The following NEBL variants were observed in gnomAD, a reference collection of about 807,000 sequenced individuals.
NEBL encodes nebulette, also known as LIM and SH3 protein 2.
In NEBL, 122 loss-of-function variants were observed where a neutral mutation model predicts 140.2. The ratio of observed to expected loss-of-function variants is 0.87; its 90% CI spans 0.75 to 1.01. The LOEUF (loss-of-function observed/expected upper bound fraction) is 1.01, where lower values mean the gene tolerates loss of function less well. Ranked by LOEUF, NEBL falls within the 50% of genes least tolerant of loss-of-function variation. The pLI is 0.00. For missense variants in NEBL, 1,365 were observed against 1,231.3 expected (o/e 1.11, Z -1.62); for synonymous variants, 436 against 398.9 (o/e 1.09, Z -1.11).
At chr10:20,883,451 A>G (rs1304463121) in intron 4 of NEBL, among the ~76,000 whole-genome samples, 1 of 152,214 alleles carries the variant, frequency 6.6e-6, no homozygotes, top group South Asian at 2.1e-4. Flanking sequence ...TATGTTAAGC[A>G]GGAAACCCTT....
At position 21,137,508 on chromosome 10, in the gene NEBL, C is replaced by T. The variant is rs1020862288; in HGVS notation, c.164+34875G>A. Among the ~76,000 whole-genome samples, 3 of 152,158 alleles carry T rather than the reference C, an allele frequency of 2.0e-5. No homozygotes were observed. The East Asian group carries it at 5.8e-4, about 29-fold the overall frequency. ...GAATTATTCCAGTTTGCTCCTGCTC[C>T]GTGTCTAAGAACACTACGGCTACTG... On this transcript the variant is annotated intron_variant, in intron 2 of 6. Coordinates refer to the NEBL transcript ENST00000417816.
At position 20,858,268 on chromosome 10, in the gene NEBL, A is replaced by C. The variant is rs1489278526; in HGVS notation, c.875T>G (p.Val292Gly). ...GCTGAGCATTTTGCTGGCTTTCAAA[A>C]CATGGTCTAAAAACAACAAATTTGG... ...DLPNLLFLDH[V>G]LKASKMLSGR... The change falls in exon 9 of 28, where the codon GTT (valine) becomes GGT (glycine). Residue 292 changes from valine to glycine, a missense_variant. Physicochemically the swap from Val to Gly is moderately radical, Grantham distance 109 (BLOSUM62 -3). Transcript: ENST00000377122. The C allele has an allele frequency of 1.2e-6, 2 of 1,610,622 alleles. No individual in the cohort carries two copies. Among genetic ancestry groups the C allele is most frequent in the Non-Finnish European group, 1.7e-6 (2 of 1,176,906 alleles).
intron 2 of NEBL, among the ~76,000 whole-genome samples, chr10:21,053,434 T>C (rs1269834441): frequency 6.6e-6 from 1 of 152,218 alleles, no homozygotes; most frequent in East Asian, 1.9e-4. Context: ...TTATCTATGA[T>C]TGTTTCTGAA....
intron 3 of NEBL, among the ~76,000 whole-genome samples, chr10:21,227,668 C>T (rs141549837): frequency 1.4e-3 from 118 of 85,442 alleles, no homozygotes; most frequent in African/African-American, 5.6e-3. Context: ...TCTTCTTCTT[C>T]TTCTTCTTCT....
chr10:20,969,724 T>C (rs1836486185), intron 3 of NEBL, among the ~76,000 whole-genome samples: 1 of 151,832 alleles, frequency 6.6e-6, no homozygotes, highest in Non-Finnish European at 1.5e-5. Flanking sequence ...TTTTGAATTT[T>C]TAGTAGAGAC....
At chr10:21,048,886 G>A (rs1834639590) in intron 2 of NEBL, among the ~76,000 whole-genome samples, 1 of 152,122 alleles carries the variant, frequency 6.6e-6, no homozygotes, top group Non-Finnish European at 1.5e-5. Flanking sequence ...GCAGGTGCCT[G>A]TAATCCGAGG....
At chr10:21,166,757 T>G (rs1459753141) in intron 2 of NEBL, among the ~76,000 whole-genome samples, 1 of 152,210 alleles carries the variant, frequency 6.6e-6, no homozygotes, top group Admixed American at 6.5e-5. Flanking sequence ...TCCAGCTCCA[T>G]CTAGCTCCAA....
chr10:20,866,410 G>C (rs1173366730), intron 7 of NEBL, among the ~76,000 whole-genome samples: 7 of 152,050 alleles, frequency 4.6e-5, no homozygotes, highest in Admixed American at 2.0e-4. Flanking sequence ...AAAAAATGGG[G>C]AAAAATTACA....
chr10:21,189,849 G>C (rs1841544824), intron 3 of NEBL, among the ~76,000 whole-genome samples: 1 of 152,162 alleles, frequency 6.6e-6, no homozygotes, highest in Non-Finnish European at 1.5e-5. Context: ...ATTTGGAAAG[G>C]TTTTCTAAAG....
chr10:21,271,991 T>C (rs1165582888), intron 1 of NEBL, among the ~76,000 whole-genome samples: 1 of 151,802 alleles, frequency 6.6e-6, no homozygotes, highest in Non-Finnish European at 1.5e-5. Context: ...GGAGTCTCAC[T>C]CTGTCACCCA....
In NEBL at chr10:21,263,588, C is replaced by T. The variant is rs905075719; in HGVS notation, n.183-11760G>A. Among the ~76,000 whole-genome samples, 3 of 152,140 alleles carry T rather than the reference C, an allele frequency of 2.0e-5. No individual in the cohort carries two copies. In the East Asian group the frequency reaches 5.8e-4, roughly 29 times the overall value. ...CCCGGGGGTTAGTTTTGGGAAGGGA[C>T]TATGATTATTCTTGCTTTAAAATTA... On this transcript the variant is annotated intron_variant and non_coding_transcript_variant, in intron 1 of 8. Coordinates refer to the NEBL transcript ENST00000675702.
chr10:21,123,547 A>C (rs1468225857), intron 2 of NEBL, among the ~76,000 whole-genome samples: 1 of 152,026 alleles, frequency 6.6e-6, no homozygotes, highest in Admixed American at 6.6e-5. Flanking sequence ...CCCACCACTT[A>C]GTCCTTCTTT....
At chr10:20,870,766 T>C (rs1352179118) in intron 5 of NEBL, among the ~76,000 whole-genome samples, 2 of 152,222 alleles carry the variant, frequency 1.3e-5, no homozygotes. Context: ...TTGAGTAACA[T>C]TCTCCTTCTG....
chr10:20,939,935 C>G (rs1020387968), intron 4 of NEBL, among the ~76,000 whole-genome samples: 3 of 152,006 alleles, frequency 2.0e-5, no homozygotes, highest in Non-Finnish European at 4.4e-5. Flanking sequence ...ATTCATAAAG[C>G]AAGTCCTTAG....
chr10:20,944,791 T>G (rs897519382), intron 4 of NEBL, among the ~76,000 whole-genome samples: 2 of 152,200 alleles, frequency 1.3e-5, no homozygotes, highest in Admixed American at 1.3e-4. Flanking sequence ...TGGCATTGCT[T>G]CGACATACAG....
chr10:20,805,662 G>A (rs2130740424), intron 26 of NEBL, among the ~76,000 whole-genome samples: 1 of 152,164 alleles, frequency 6.6e-6, no homozygotes, highest in East Asian at 1.9e-4. Flanking sequence ...AGACCAGCCT[G>A]GCCAACACGG....
At chr10:21,066,855 CA>C (rs1436088160) in intron 2 of NEBL, among the ~76,000 whole-genome samples, 6 of 152,000 alleles carry the variant, frequency 3.9e-5, no homozygotes, top group African/African-American at 1.4e-4. Context: ...TATTTATACT[CA>C]TGGGCTATTT....
chr10:20,819,457 C>G lies in NEBL; in HGVS notation c.2022G>C (p.Glu674Asp), dbSNP rs145086068. ...GCTGCTCCTGGTTTCGCCTCACTCT[C>G]TCTATCTCCGGGGTCATGCTTACCG... ...ATPVSMTPEI[E>D]RVRRNQEQLS... Residue 674 changes from glutamate (E) to aspartate (D), a missense_variant, in exon 20 of 28, where the codon GAG becomes GAC. By Grantham distance (45) the Glu-to-Asp change is conservative (BLOSUM62 2). This residue lies in a region of NEBL where 1,323 missense variants were observed against 1,154.8 expected (regional missense o/e 1.15). Coordinates refer to ENST00000377122, the MANE Select transcript of NEBL (RefSeq NM_006393.3). The G allele has an allele frequency of 7.4e-6, 12 of 1,614,104 alleles. No individual in the cohort carries two copies. Among genetic ancestry groups the G allele is most frequent in the Non-Finnish European group, 9.3e-6 (11 of 1,179,980 alleles).
intron 11 of NEBL, among the ~76,000 whole-genome samples, chr10:20,848,687 T>A (rs1473496004): frequency 1.3e-5 from 2 of 152,182 alleles, no homozygotes; most frequent in East Asian, 3.9e-4. Flanking sequence ...CCTGATGATC[T>A]GAGATGGAAG....
Sources: gnomAD v4.1 joint callset for allele counts (sites outside exome capture counted in the v4.1 genomes callset) on GRCh38, gnomAD v4.1.1 for gene constraint, gnomAD v4.1.1 regional missense constraint, MANE v1.5 for transcripts, NCBI Gene and HGNC (gene_info 2026-07-23, HGNC 2026-07-21) for gene names.